FAM217A: variants seen among roughly 807,000 people sequenced by gnomAD.
FAM217A encodes protein FAM217A.
FAM217A carries 13 observed loss-of-function variants against 18.5 expected under a neutral mutation model. The observed-to-expected ratio is 0.70, with a 90% CI of 0.46 to 1.12. FAM217A has a LOEUF of 1.12. FAM217A is among the 50% of genes most tolerant of loss of function. The pLI, the probability that FAM217A is intolerant of heterozygous loss-of-function variation, is 0.00. For missense variants in FAM217A, 560 were observed against 575.4 expected (o/e 0.97, Z 0.27); for synonymous variants, 161 against 202.8 (o/e 0.79, Z 1.75).
Position 4,073,306 on chromosome 6 carries a change from G to A in FAM217A, c.271C>T (p.Pro91Ser). 6.2e-7 allele frequency: 1 copy of A among 1,609,720 alleles called. No homozygotes were observed. Residue 91 changes from proline (P) to serine (S), a missense_variant, in exon 6 of 7, where the codon CCT becomes TCT. Transcript: ENST00000274673. The part of the protein sequence containing the change: ...KQGIFQLWNC[P>S]LNEGSTIEKR... ...TCTATGGTACTTCCTTCATTAAGAGGACAATTCCATAATTGAAAGATCCCT... is the reference window on the plus strand; with the variant it reads ...TCTATGGTACTTCCTTCATTAAGAGAACAATTCCATAATTGAAAGATCCCT...
At position 4,078,919 on chromosome 6, in the gene FAM217A, C is replaced by A; in HGVS notation, c.-102G>T. ...GCGCCGCCCCGAGGCCCGAGCGCCT[C>A]CGCGTGCGTGGCTGACGGCTTGGAG... On this transcript the variant is annotated 5_prime_UTR_variant, in exon 1 of 7. Transcript: ENST00000274673. The A allele has an allele frequency of 3.4e-6, 2 of 584,440 alleles. No individual in the cohort carries two copies. Among genetic ancestry groups the A allele is most frequent in the Admixed American group, 2.9e-5 (1 of 34,352 alleles). The allele number at this position is 584,440 out of a possible 1,614,324, so 36.2% of individuals were successfully genotyped here.
chr6:4,079,620 C>CCCAGCCGCCT (rs1770130846), upstream of FAM217A: 4 of 1,251,406 alleles, frequency 3.2e-6, no homozygotes, highest in Non-Finnish European at 4.2e-6. Context: ...CGGGGCCCGG[C>CCCAGCCGCCT]CCACCCGCCT....
At chr6:4,079,737 T>C (rs1770146753), upstream of FAM217A, 3 of 1,001,118 alleles carry the variant, frequency 3.0e-6, no homozygotes, top group African/African-American at 1.8e-5. Context: ...TGTGAAGTTA[T>C]ATCTATGCTT....
chr6:4,079,567 C>G (rs1561929323), upstream of FAM217A: 2 of 1,280,300 alleles, frequency 1.6e-6, no homozygotes, highest in Admixed American at 2.3e-5. Flanking sequence ...TGGGCCTCTC[C>G]AGGCTGAGCT....
chr6:4,072,963 A>C (rs867518193), intron 6 of FAM217A, among the ~76,000 whole-genome samples: 1 of 152,258 alleles, frequency 6.6e-6, no homozygotes, highest in Non-Finnish European at 1.5e-5. Flanking sequence ...TAAGGAATTA[A>C]CATAGTCCCT....
Position 4,068,824 on chromosome 6 carries a change from C to A in FAM217A, c.1399G>T (p.Gly467Trp). The A allele has an allele frequency of 1.2e-6, 2 of 1,614,134 alleles. No homozygotes were observed. Among genetic ancestry groups the A allele is most frequent in the African/African-American group, 1.3e-5 (1 of 75,018 alleles). Reference sequence around the variant, plus strand: ...TGTCGGTAAAGTTTCTTTTTGGTCCCAAAGTTTCTCTTCGGTGCCTTAATT... The same window carrying A: ...TGTCGGTAAAGTTTCTTTTTGGTCCAAAAGTTTCTCTTCGGTGCCTTAATT... ...EEIKAPKRNF[G>W]TKKKLYRQNI... is the part of the protein sequence containing the mutation. Residue 467 changes from glycine (G) to tryptophan (W), a missense_variant, in exon 7 of 7, where the codon GGG (glycine) becomes TGG (tryptophan). Physicochemically the swap from Gly to Trp is radical, Grantham distance 184. Transcript: ENST00000274673.
chr6:4,081,034 A>G (rs944024746), upstream of FAM217A, among the ~76,000 whole-genome samples: 48 of 152,314 alleles, frequency 3.2e-4, no homozygotes, highest in African/African-American at 1.1e-3. Context: ...CAACGTCTCA[A>G]TCACTTTCTT....
intron 2 of FAM217A, among the ~76,000 whole-genome samples, chr6:4,084,409 A>G (rs554294562): frequency 6.6e-6 from 1 of 152,176 alleles, no homozygotes; most frequent in African/African-American, 2.4e-5. Flanking sequence ...ATACATTCTC[A>G]ATCATATATT....
Position 4,068,654 on chromosome 6 carries a change from T to TA in FAM217A, c.*41dup, listed in dbSNP as rs1407380464. On this transcript the variant is annotated 3_prime_UTR_variant, in exon 7 of 7. Transcript: ENST00000274673. Reference sequence around the variant, plus strand: ...TTAACCATATCTTAGTTGGGCTTCTTAGAGTAGATGTGTTCACATTGAGAT... The same window carrying TA: ...TTAACCATATCTTAGTTGGGCTTCTTAAGAGTAGATGTGTTCACATTGAGAT... 1.3e-6 allele frequency: 2 copies of TA among 1,530,988 alleles called. No homozygotes were observed. The highest frequency in any genetic ancestry group is 1.4e-5 in the African/African-American group (1 of 71,926). The allele number at this position is 1,530,988 out of a possible 1,614,324, so 94.8% of individuals were successfully genotyped here. A position where few individuals can be genotyped will look rare whatever the true frequency, so the allele number is the denominator to read the frequency against.
At chr6:4,079,357 C>T (rs1001090741), upstream of FAM217A, 5 of 235,078 alleles carry the variant, frequency 2.1e-5, no homozygotes, top group African/African-American at 7.2e-5. Flanking sequence ...CGGCCTCCCC[C>T]GCGGGGCTGC....
At chr6:4,073,215 T>C (rs1769540310) in intron 6 of FAM217A, 60 bp downstream of exon 6, 1 of 1,255,186 alleles carries the variant, frequency 8.0e-7, no homozygotes, top group East Asian at 2.3e-5. Context: ...AATAGTTATC[T>C]CATGTGTATC....
At chr6:4,074,171 G>T (rs1769612205) in intron 4 of FAM217A, among the ~76,000 whole-genome samples, 1 of 151,998 alleles carries the variant, frequency 6.6e-6, no homozygotes, top group South Asian at 2.1e-4. Context: ...ACATTTTAAA[G>T]GACAGGACTA....
chr6:4,082,331 C>T (rs923242891), upstream of FAM217A, among the ~76,000 whole-genome samples: 2 of 152,138 alleles, frequency 1.3e-5, no homozygotes, highest in African/African-American at 4.8e-5. Flanking sequence ...AAACAGTACC[C>T]CAAAATGAAG....
upstream of FAM217A, among the ~76,000 whole-genome samples, chr6:4,083,425 C>T (rs546157683): frequency 6.6e-6 from 1 of 152,356 alleles, no homozygotes; most frequent in South Asian, 2.1e-4. Context: ...CTACCTCCTT[C>T]AGTATCTTTC....
rs970915165 is a variant in FAM217A, at chr6:4,077,343, C to T, written c.60+12G>A. On this transcript the variant is annotated intron_variant, in intron 2 of 6. Transcript: ENST00000274673. ...CTGCCCAAACACTCAAGTTCAACAG[C>T]GCCTGCCATACCTCCTGAGAGATGT... 8.1e-6 allele frequency: 13 copies of T among 1,614,086 alleles called. No individual in the cohort carries two copies. Among genetic ancestry groups the T allele is most frequent in the East Asian group, 2.2e-5 (1 of 44,888 alleles).
upstream of FAM217A, among the ~76,000 whole-genome samples, chr6:4,080,578 C>T (rs1385389658): frequency 1.3e-5 from 2 of 152,188 alleles, no homozygotes; most frequent in African/African-American, 2.4e-5. Flanking sequence ...AGGGCCCTCT[C>T]TTCCTTCGGC....
intron 6 of FAM217A, among the ~76,000 whole-genome samples, chr6:4,070,730 C>T (rs763138165): frequency 2.0e-5 from 3 of 152,192 alleles, no homozygotes; most frequent in Non-Finnish European, 4.4e-5. Context: ...CGAGGCCAGG[C>T]ACAGTGGCTC....
In FAM217A at chr6:4,068,639, C is replaced by T. The variant is rs980319362; in HGVS notation, c.*57G>A. 3 of 1,509,942 alleles carry T rather than the reference C, an allele frequency of 2.0e-6. No individual in the cohort carries two copies. The African/African-American group carries it at 4.2e-5, about 21-fold the overall frequency. 93.5% of individuals were successfully genotyped at this position (1,509,942 alleles called of 1,614,324 possible). A position where few individuals can be genotyped will look rare whatever the true frequency, so the allele number is the denominator to read the frequency against. ...TGTGTCTTGGAATAATTAACCATAT[C>T]TTAGTTGGGCTTCTTAGAGTAGATG... On this transcript the variant is annotated 3_prime_UTR_variant, in exon 7 of 7. Transcript: ENST00000274673.
Position 4,068,602 on chromosome 6 carries a change from G to A in FAM217A, c.*94C>T. ...AACTGTTTGGTGATTTTGGGGGACTGTTAATAGTACCTGTGTCTTGGAATA... is the reference window on the plus strand; with the variant it reads ...AACTGTTTGGTGATTTTGGGGGACTATTAATAGTACCTGTGTCTTGGAATA... On this transcript the variant is annotated 3_prime_UTR_variant, in exon 7 of 7. Transcript: ENST00000274673. 1 of 1,406,430 alleles carries A rather than the reference G, an allele frequency of 7.1e-7. No individual in the cohort carries two copies. The highest frequency in any genetic ancestry group is 2.3e-5 in the Admixed American group (1 of 42,956). 87.1% of individuals were successfully genotyped at this position (1,406,430 alleles called of 1,614,324 possible).
Sources: gnomAD v4.1 joint callset for allele counts (sites outside exome capture counted in the v4.1 genomes callset) on GRCh38, gnomAD v4.1.1 for gene constraint, MANE v1.5 for transcripts, NCBI Gene and HGNC (gene_info 2026-07-23, HGNC 2026-07-21) for gene names.